Variants in AP1S3 observed in about 807,000 individuals in gnomAD.
AP1S3 encodes the protein adaptor related protein complex 1 subunit sigma 3, also known as AP-1 complex subunit sigma-3.
AP1S3 carries 10 observed loss-of-function variants against 20.9 expected under a neutral mutation model. The observed-to-expected ratio is 0.48, with a 90% confidence interval of 0.29 to 0.81. The LOEUF is 0.81. AP1S3 is among the 30% of genes least tolerant of loss of function. The pLI, the probability that AP1S3 is intolerant of heterozygous loss-of-function variation, is 0.08. For synonymous variants in AP1S3, 41 were observed against 61.5 expected, an observed-to-expected ratio of 0.67 and a Z score of 1.56; for missense variants, 154 against 183.8, an observed-to-expected ratio of 0.84 and a Z score of 0.94.
At chr2:223,833,882 T>TTTTA (rs71408596) in intron 1 of AP1S3, among the ~76,000 whole-genome samples, 33,798 of 145,822 alleles carry the variant, frequency 0.23, 4,110 homozygotes, top group South Asian at 0.36. Context: ...TTTACACTCT[T>TTTTA]TTTATTTATT....
intron 1 of AP1S3, among the ~76,000 whole-genome samples, chr2:223,798,984 A>C (rs1461541538): frequency 6.6e-6 from 1 of 152,192 alleles, no homozygotes; most frequent in East Asian, 1.9e-4. Context: ...AGACAGGAGA[A>C]TCACTTGAAC....
intron 1 of AP1S3, among the ~76,000 whole-genome samples, chr2:223,833,882 TTTTA>T (rs71408596): frequency 0.39 from 56,913 of 145,816 alleles, 11,309 homozygotes; most frequent in Middle Eastern, 0.47. Context: ...TTTACACTCT[TTTTA>T]TTTATTTATT....
chr2:223,770,727 ATT>A (rs764596538), intron 3 of AP1S3, among the ~76,000 whole-genome samples: 7 of 115,308 alleles, frequency 6.1e-5, no homozygotes, highest in East Asian at 3.0e-4. Context: ...AGACCAGTTC[ATT>A]TTTTTTTTTT....
chr2:223,780,349 AGAGAGAGAGTGTGT>A (rs1559280856), intron 1 of AP1S3, among the ~76,000 whole-genome samples: 27 of 69,788 alleles, frequency 3.9e-4, no homozygotes, highest in African/African-American at 1.1e-3. Context: ...AGAGAGAGAG[AGAGAGAGAGTGTGT>A]GTGTGTGTGT....
chr2:223,770,772 G>A (rs1310663486), intron 3 of AP1S3, among the ~76,000 whole-genome samples: 1 of 133,304 alleles, frequency 7.5e-6, no homozygotes, highest in African/African-American at 2.8e-5. Flanking sequence ...CCGTCACCCA[G>A]GCTGGAGTGC....
chr2:223,786,111 A>T (rs1351115319), intron 1 of AP1S3, among the ~76,000 whole-genome samples: 1 of 152,196 alleles, frequency 6.6e-6, no homozygotes, highest in Non-Finnish European at 1.5e-5. Flanking sequence ...TTGTGAACTT[A>T]ACACTGCTCT....
chr2:223,781,702 C>T (rs1317399607), intron 1 of AP1S3, among the ~76,000 whole-genome samples: 1 of 152,128 alleles, frequency 6.6e-6, no homozygotes, highest in Non-Finnish European at 1.5e-5. Context: ...ACTCTACGAG[C>T]ATAAAATAGA....
intron 1 of AP1S3, among the ~76,000 whole-genome samples, chr2:223,832,203 TATC>T (rs1692288623): frequency 6.7e-6 from 1 of 149,924 alleles, no homozygotes; most frequent in African/African-American, 2.5e-5. Flanking sequence ...GGAGTAATTT[TATC>T]ATTATGTCTT....
chr2:223,801,800 T>G, intron 1 of AP1S3, among the ~76,000 whole-genome samples: 1 of 152,058 alleles, frequency 6.6e-6, no homozygotes, highest in East Asian at 1.9e-4. Flanking sequence ...ACGGTTTCTG[T>G]GACCACCATA....
rs1690279227 is a variant in AP1S3 at position 223,758,598 on chromosome 2, T to C, written c.*117A>G. ...TTTAACTTTGTTAGTTAACAAAGAA[T>C]CCCTTTAAATTATTTTTGGCATGGT... On this transcript the variant is annotated 3_prime_UTR_variant, in exon 5 of 5. Coordinates refer to ENST00000396654, the MANE Select transcript of AP1S3 (RefSeq NM_001039569.2). 1 of 1,382,186 alleles carries C rather than the reference T, an allele frequency of 7.2e-7. No individual in the cohort carries two copies. The highest frequency in any genetic ancestry group is 9.4e-7 in the Non-Finnish European group (1 of 1,064,996). 85.6% of individuals were successfully genotyped at this position (1,382,186 alleles called of 1,614,324 possible).
intron 1 of AP1S3, among the ~76,000 whole-genome samples, chr2:223,789,628 C>A (rs1174154327): frequency 6.7e-6 from 1 of 150,026 alleles, no homozygotes; most frequent in Non-Finnish European, 1.5e-5. Context: ...TCACTCAAGA[C>A]CAGGAGTTCA....
At chr2:223,769,400 C>A (rs114815475) in intron 3 of AP1S3, among the ~76,000 whole-genome samples, 1 of 152,284 alleles carries the variant, frequency 6.6e-6, no homozygotes, top group South Asian at 2.1e-4. Context: ...TCTAAATTTT[C>A]GGATGAATAT....
rs150910714 is a variant in AP1S3, at chr2:223,764,953, T to A, written c.429+260A>T. ...CACACTTCCTAGTGGAATAGAGGAA[T>A]TCCACACTTCCTGTGTGAAATTGAG... On this transcript the variant is annotated intron_variant, in intron 4 of 4. Transcript: ENST00000396654. The A allele has an allele frequency of 4.6e-4, 215 of 467,602 alleles. 2 individuals are homozygous for A. Among genetic ancestry groups the A allele is most frequent in the African/African-American group, 3.8e-3 (188 of 49,660 alleles). The allele number at this position is 467,602 out of a possible 1,614,324, so 29.0% of individuals were successfully genotyped here. A position where few individuals can be genotyped will look rare whatever the true frequency, so the allele number is the denominator to read the frequency against.
chr2:223,782,822 T>A (rs753087772), intron 1 of AP1S3, among the ~76,000 whole-genome samples: 15 of 152,164 alleles, frequency 9.9e-5, no homozygotes, highest in Non-Finnish European at 1.8e-4. Context: ...GCTTGAGAAC[T>A]GAGCTTGTGT....
At chr2:223,814,589 C>T (rs144157244) in intron 1 of AP1S3, among the ~76,000 whole-genome samples, 1 of 152,114 alleles carries the variant, frequency 6.6e-6, no homozygotes, top group Non-Finnish European at 1.5e-5. Context: ...ACAAACTTCA[C>T]AAACGAAATT....
chr2:223,803,799 G>A (rs1267708669), intron 1 of AP1S3, among the ~76,000 whole-genome samples: 2 of 150,590 alleles, frequency 1.3e-5, no homozygotes, highest in Non-Finnish European at 2.9e-5. Context: ...AGAATGGTGT[G>A]AACCTGGGAG....
intron 1 of AP1S3, among the ~76,000 whole-genome samples, chr2:223,796,865 C>T (rs964911330): frequency 6.6e-6 from 1 of 152,148 alleles, no homozygotes; most frequent in Admixed American, 6.5e-5. Context: ...GGCTTCACCA[C>T]GTTGGCCAGG....
At chr2:223,773,802 G>A (rs1285040111) in intron 3 of AP1S3, among the ~76,000 whole-genome samples, 1 of 152,174 alleles carries the variant, frequency 6.6e-6, no homozygotes, top group African/African-American at 2.4e-5. Context: ...CAGTGAGTAA[G>A]GGAATAGGGA....
At chr2:223,783,507 G>A (rs927002619) in intron 1 of AP1S3, among the ~76,000 whole-genome samples, 5 of 152,198 alleles carry the variant, frequency 3.3e-5, no homozygotes, top group Non-Finnish European at 7.3e-5. Flanking sequence ...TTCTATGGGC[G>A]TTTTCTAATC....
Sources: allele counts gnomAD v4.1 joint callset (sites outside exome capture counted in the v4.1 genomes callset), GRCh38; gene constraint gnomAD v4.1.1; transcripts MANE v1.5; gene names NCBI Gene and HGNC (gene_info 2026-07-23, HGNC 2026-07-21).